Variants in HPGDS observed in about 807,000 individuals in gnomAD.
HPGDS encodes hematopoietic prostaglandin D synthase, also known as GST class-sigma.
A neutral mutation model predicts 23.1 loss-of-function variants in HPGDS; 26 were observed. That is an observed-to-expected ratio of 1.13 (90% CI 0.83 to 1.56). The LOEUF (loss-of-function observed/expected upper bound fraction) is 1.56. HPGDS is among the 40% of genes most tolerant of loss of function. The pLI is 0.00. For synonymous variants in HPGDS, 95 were observed against 77.9 expected, an observed-to-expected ratio of 1.22 and a Z score of -1.16; for missense variants, 268 against 236.4, an observed-to-expected ratio of 1.13 and a Z score of -0.88.
chr4:94,302,655 G>T (rs900615995), intron 4 of HPGDS, among the ~76,000 whole-genome samples: 1 of 151,644 alleles, frequency 6.6e-6, no homozygotes, highest in Non-Finnish European at 1.5e-5. Context: ...ATTTTATTTC[G>T]TAAGGCTAGA....
rs566671877 is a variant in HPGDS, at chr4:94,307,489, G to A, written c.336+1145C>T. ...CATTTTAACTTTTGGAATACTAGAG[G>A]ATGTGCCCCCAAATAAACAATGGAG... On this transcript the variant is annotated intron_variant, in intron 4 of 5. Coordinates refer to ENST00000295256, the MANE Select transcript of HPGDS (RefSeq NM_014485.3). 7.2e-5 allele frequency among the ~76,000 whole-genome samples: 11 copies of A among 152,156 alleles called. No individual in the cohort carries two copies. The South Asian group carries it at 2.3e-3, about 32-fold the overall frequency.
chr4:94,338,960 G>C (rs368733461), intron 1 of HPGDS, among the ~76,000 whole-genome samples: 264 of 152,306 alleles, frequency 1.7e-3, no homozygotes, highest in African/African-American at 6.0e-3. Context: ...GTACCAGATA[G>C]CAAGACTTAG....
At chr4:94,310,095 A>G (rs977670117) in intron 3 of HPGDS, among the ~76,000 whole-genome samples, 3 of 152,036 alleles carry the variant, frequency 2.0e-5, no homozygotes, top group Non-Finnish European at 4.4e-5. Flanking sequence ...GTTCACTCTG[A>G]TGGTAGTTTC....
chr4:94,332,374 C>T (rs1193889482), intron 2 of HPGDS, among the ~76,000 whole-genome samples: 1 of 152,224 alleles, frequency 6.6e-6, no homozygotes, highest in African/African-American at 2.4e-5. Context: ...AAAAGGCTGT[C>T]GCACTGGCCT....
intron 1 of HPGDS, among the ~76,000 whole-genome samples, chr4:94,336,707 A>G (rs1247734560): frequency 6.6e-6 from 1 of 152,232 alleles, no homozygotes; most frequent in Non-Finnish European, 1.5e-5. Context: ...AATGCCCATC[A>G]GAACAATGGA....
chr4:94,331,299 T>C (rs1273001075), intron 2 of HPGDS, among the ~76,000 whole-genome samples: 2 of 152,214 alleles, frequency 1.3e-5, no homozygotes, highest in East Asian at 1.9e-4. Flanking sequence ...GAATATCTTC[T>C]CTTATTTCTC....
chr4:94,327,225 G>T (rs777993714), intron 2 of HPGDS, among the ~76,000 whole-genome samples: 6 of 152,224 alleles, frequency 3.9e-5, no homozygotes, highest in African/African-American at 7.2e-5. Flanking sequence ...AGCAGAAAAG[G>T]TGACCTCAGG....
intron 1 of HPGDS, among the ~76,000 whole-genome samples, chr4:94,336,207 A>G (rs75578500): frequency 4.3e-5 from 1 of 23,216 alleles, no homozygotes; most frequent in Non-Finnish European, 1.1e-4. Context: ...CGCCGTCTCA[A>G]AAAAAAAAAA....
intron 2 of HPGDS, among the ~76,000 whole-genome samples, chr4:94,324,089 C>G (rs1486813368): frequency 2.0e-5 from 3 of 152,184 alleles, no homozygotes; most frequent in Non-Finnish European, 4.4e-5. Context: ...ATATTGGCCC[C>G]CACTCTCTTC....
intron 3 of HPGDS, among the ~76,000 whole-genome samples, chr4:94,313,192 G>T (rs952401584): frequency 6.6e-6 from 1 of 152,232 alleles, no homozygotes; most frequent in Non-Finnish European, 1.5e-5. Flanking sequence ...GATGTTAGCT[G>T]GTTATTTTGC....
chr4:94,311,126 AT>A (rs1266629935), intron 3 of HPGDS, among the ~76,000 whole-genome samples: 1 of 152,124 alleles, frequency 6.6e-6, no homozygotes, highest in Non-Finnish European at 1.5e-5. Context: ...AATAACATTT[AT>A]TTCCTTCTCT....
chr4:94,304,906 A>C (rs779781617), intron 4 of HPGDS, among the ~76,000 whole-genome samples: 1 of 152,098 alleles, frequency 6.6e-6, no homozygotes, highest in Non-Finnish European at 1.5e-5. Context: ...ATAGAAAAGT[A>C]GAGAAGAGCA....
chr4:94,328,393 G>A (rs1756677299), intron 2 of HPGDS, among the ~76,000 whole-genome samples: 1 of 152,172 alleles, frequency 6.6e-6, no homozygotes, highest in Non-Finnish European at 1.5e-5. Flanking sequence ...TATTTGAAAT[G>A]TATAGCAAGG....
chr4:94,322,598 C>T (rs1469677101), intron 2 of HPGDS, among the ~76,000 whole-genome samples: 3 of 152,158 alleles, frequency 2.0e-5, no homozygotes, highest in East Asian at 1.9e-4. Flanking sequence ...TCTGTGGGAT[C>T]GGTGGTGATA....
At chr4:94,325,979 T>G (rs1402941068) in intron 2 of HPGDS, among the ~76,000 whole-genome samples, 2 of 126,372 alleles carry the variant, frequency 1.6e-5, no homozygotes, top group Non-Finnish European at 3.3e-5. Flanking sequence ...GGCTGACAGG[T>G]TTTTTTTTTT....
At chr4:94,314,545 C>T (rs1435956566) in intron 3 of HPGDS, among the ~76,000 whole-genome samples, 3 of 152,108 alleles carry the variant, frequency 2.0e-5, no homozygotes, top group East Asian at 3.9e-4. Context: ...ATCAGTCTGC[C>T]CCTACTCGGG....
intron 2 of HPGDS, among the ~76,000 whole-genome samples, chr4:94,325,143 C>T (rs1008203800): frequency 6.6e-6 from 1 of 152,200 alleles, no homozygotes; most frequent in Admixed American, 6.5e-5. Flanking sequence ...CTGATCCTTC[C>T]TCTGGAAGCT....
At chr4:94,305,422 A>G (rs770364138) in intron 4 of HPGDS, among the ~76,000 whole-genome samples, 18 of 152,126 alleles carry the variant, frequency 1.2e-4, no homozygotes, top group Non-Finnish European at 2.2e-4. Context: ...GAGTTAGTCA[A>G]TGTAAATACT....
intron 2 of HPGDS, among the ~76,000 whole-genome samples, chr4:94,330,838 G>T (rs2126044829): frequency 1.3e-5 from 2 of 152,260 alleles, no homozygotes; most frequent in Middle Eastern, 6.8e-3. Flanking sequence ...GCACCCTGTT[G>T]TTAAAAGAAA....
Sources: allele counts gnomAD v4.1 joint callset (sites outside exome capture counted in the v4.1 genomes callset), GRCh38; gene constraint gnomAD v4.1.1; transcripts MANE v1.5; gene names NCBI Gene and HGNC (gene_info 2026-07-23, HGNC 2026-07-21).